The following THBS4 variants were observed in gnomAD, a reference collection of about 807,000 sequenced individuals.
THBS4 encodes thrombospondin-4.
THBS4 carries 90 observed loss-of-function variants against 115.7 expected under a neutral mutation model. The ratio of observed to expected loss-of-function variants is 0.78; its 90% CI spans 0.66 to 0.93. The LOEUF (loss-of-function observed/expected upper bound fraction) is 0.93, where lower values mean the gene tolerates loss of function less well. THBS4 is among the 40% of genes least tolerant of loss of function. The probability of loss-of-function intolerance (pLI) is 0.00; values close to 1 mark genes in which losing one functional copy is unlikely to be tolerated. For missense variants in THBS4, 1,087 were observed against 1,232.7 expected (o/e 0.88, Z 1.77); for synonymous variants, 460 against 479.3 (o/e 0.96, Z 0.53).
chr5:80,070,240 C>G, intron 10 of THBS4, 66 bp from the exon 11 acceptor site: 1 of 1,403,296 alleles, frequency 7.1e-7, no homozygotes, highest in Middle Eastern at 2.4e-4. Context: ...CAGAGAGGCC[C>G]TTGTCAGCCA....
intron 1 of THBS4, among the ~76,000 whole-genome samples, chr5:79,993,388 A>G (rs145927324): frequency 6.6e-6 from 1 of 152,358 alleles, no homozygotes; most frequent in African/African-American, 2.4e-5. Context: ...TGTTCCAGAG[A>G]ACCACACAGA....
intron 10 of THBS4, 143 bp downstream of exon 10, chr5:80,068,268 G>C (rs911422392): frequency 1.2e-5 from 13 of 1,050,950 alleles, no homozygotes; most frequent in Middle Eastern, 3.0e-4. Flanking sequence ...AATAGGAACA[G>C]GGTCCACCGA....
intron 2 of THBS4, among the ~76,000 whole-genome samples, chr5:80,045,397 T>C (rs577120193): frequency 2.0e-5 from 3 of 152,230 alleles, no homozygotes; most frequent in African/African-American, 7.2e-5. Flanking sequence ...TTCAGAGTAG[T>C]GGTTCTGTAG....
At chr5:80,060,823 G>A (rs959296177) in intron 7 of THBS4, among the ~76,000 whole-genome samples, 1 of 152,194 alleles carries the variant, frequency 6.6e-6, no homozygotes, top group African/African-American at 2.4e-5. Flanking sequence ...ATAGCAGGTA[G>A]CAAGGCTGCC....
upstream of THBS4, among the ~76,000 whole-genome samples, chr5:80,030,374 AT>A (rs1052484408): frequency 1.6e-4 from 23 of 147,040 alleles, no homozygotes; most frequent in Middle Eastern, 3.5e-3. Context: ...TAATTTTTTA[AT>A]TTTTTTTTTT....
At chr5:80,055,496 A>T (rs916168936) in intron 2 of THBS4, among the ~76,000 whole-genome samples, 1 of 152,290 alleles carries the variant, frequency 6.6e-6, no homozygotes, top group Non-Finnish European at 1.5e-5. Flanking sequence ...TTATCACTAT[A>T]TGAGAATTGT....
chr5:80,076,555 A>G (rs1468779085), intron 15 of THBS4, among the ~76,000 whole-genome samples: 1 of 152,148 alleles, frequency 6.6e-6, no homozygotes, highest in African/African-American at 2.4e-5. Context: ...CTCTGAGTTG[A>G]GTATCATCTA....
Position 80,079,956 on chromosome 5 carries a change from C to A in THBS4, c.2563C>A (p.His855Asn), listed in dbSNP as rs138316719. ...PGEHLRNSLW[H>N]TGDTSDQVRL... ...GGAGCATCTCCGGAACTCCCTGTGG[C>A]ACACGGGGGACACCAGTGACCAGGT... Residue 855 changes from histidine (H) to asparagine (N), a missense_variant, in exon 20 of 22, where the codon CAC (histidine) becomes AAC (asparagine). By Grantham distance (68) the His-to-Asn change is moderately conservative. Transcript: ENST00000350881. The A allele has an allele frequency of 6.3e-5, 102 of 1,614,096 alleles. No individual in the cohort carries two copies. In the East Asian group the frequency reaches 2.1e-3, roughly 32 times the overall value.
chr5:80,003,321 G>A (rs530525223), intron 2 of THBS4, among the ~76,000 whole-genome samples: 70 of 152,206 alleles, frequency 4.6e-4, no homozygotes, highest in African/African-American at 1.6e-3. Context: ...ATGAGAGGGC[G>A]CAAGAAAGAG....
chr5:80,005,762 ATT>A (rs567389394), intron 2 of THBS4, among the ~76,000 whole-genome samples: 1,536 of 119,746 alleles, frequency 0.013, 19 homozygotes, highest in African/African-American at 0.044. Flanking sequence ...TGTTTGTGGC[ATT>A]TTTTTTTTTT....
At chr5:80,073,227 G>T (rs570998033) in intron 14 of THBS4, 48 bp from the exon 15 acceptor site, 1 of 1,586,988 alleles carries the variant, frequency 6.3e-7, no homozygotes, top group Admixed American at 1.7e-5. Flanking sequence ...TGGAACATTC[G>T]GTACATGCAG....
At chr5:80,059,411 A>C (rs1412685515) in intron 5 of THBS4, 29 bp from the exon 6 acceptor site, 2 of 1,610,230 alleles carry the variant, frequency 1.2e-6, no homozygotes, top group South Asian at 2.2e-5. Context: ...TTCCTTTTCA[A>C]TCCTTTTTTC....
intron 19 of THBS4, 103 bp from the exon 20 acceptor site, chr5:80,079,802 G>T: frequency 7.8e-7 from 1 of 1,277,620 alleles, no homozygotes; most frequent in South Asian, 1.4e-5. Flanking sequence ...AAGGCAGCCG[G>T]ATTATAACCA....
intron 2 of THBS4, among the ~76,000 whole-genome samples, chr5:80,023,234 C>T (rs947628843): frequency 1.3e-5 from 2 of 152,176 alleles, no homozygotes; most frequent in Non-Finnish European, 2.9e-5. Context: ...AGCCCTTGAA[C>T]TCTATTTGTC....
intron 2 of THBS4, among the ~76,000 whole-genome samples, chr5:80,012,081 C>A (rs1049807167): frequency 6.6e-6 from 1 of 151,730 alleles, no homozygotes; most frequent in South Asian, 2.1e-4. Context: ...CATGCAATTT[C>A]CCTTTATATA....
intron 7 of THBS4, among the ~76,000 whole-genome samples, chr5:80,061,427 A>T (rs1833630297): frequency 6.6e-6 from 1 of 152,206 alleles, no homozygotes; most frequent in Admixed American, 6.5e-5. Context: ...AGCTTATTAC[A>T]TTGAGAGGTA....
chr5:80,011,639 T>TA (rs1169565379), intron 2 of THBS4, among the ~76,000 whole-genome samples: 1 of 152,086 alleles, frequency 6.6e-6, no homozygotes, highest in Non-Finnish European at 1.5e-5. Context: ...TATCCAGTAA[T>TA]ATATTTTAAA....
Position 80,065,533 on chromosome 5 carries a change from G to A in THBS4, c.1194+56G>A, listed in dbSNP as rs1444189615. On this transcript the variant is annotated intron_variant, in intron 9 of 21. Transcript: ENST00000350881. ...AGCAGAACCGGTTATTAAAACAAGT[G>A]TATGTTTATAGATCATAGCTTCCAA... The A allele has an allele frequency of 6.9e-5, 105 of 1,530,224 alleles. 1 individual carries two copies. In the East Asian group the frequency reaches 2.3e-3, roughly 34 times the overall value. 94.8% of individuals were successfully genotyped at this position (1,530,224 alleles called of 1,614,324 possible).
chr5:80,056,354 G>T (rs79006209), intron 3 of THBS4, among the ~76,000 whole-genome samples: 1 of 152,172 alleles, frequency 6.6e-6, no homozygotes, highest in South Asian at 2.1e-4. Context: ...CAATTGTAAC[G>T]TTGGAAAGGA....
Sources: allele counts gnomAD v4.1 joint callset (sites outside exome capture counted in the v4.1 genomes callset), GRCh38; gene constraint gnomAD v4.1.1; transcripts MANE v1.5; gene names NCBI Gene and HGNC (gene_info 2026-07-23, HGNC 2026-07-21).